Variants in IL1RAPL1 observed in about 807,000 individuals in gnomAD.
IL1RAPL1 encodes the protein interleukin-1 receptor accessory protein-like 1.
A neutral mutation model predicts 48.4 loss-of-function variants in IL1RAPL1; 3 were observed. The observed-to-expected ratio is 0.06, with a 90% CI of 0.03 to 0.16. The LOEUF is 0.16. Ranked by LOEUF, IL1RAPL1 falls within the 10% of genes least tolerant of loss-of-function variation. The pLI is 1.00. For missense variants in IL1RAPL1, 349 were observed against 530.6 expected, an observed-to-expected ratio of 0.66 and a Z score of 3.36; for synonymous variants, 185 against 187.7, an observed-to-expected ratio of 0.99 and a Z score of 0.12.
chrX:29,834,052 T>G (rs1358678941), intron 6 of IL1RAPL1, among the ~76,000 whole-genome samples: 1 of 112,112 alleles, frequency 8.9e-6, no homozygotes, highest in Non-Finnish European at 1.9e-5. Context: ...AATCTATGTT[T>G]GCAGTAATTC....
At chrX:29,270,587 T>C (rs1373223892) in intron 2 of IL1RAPL1, among the ~76,000 whole-genome samples, 1 of 111,855 alleles carries the variant, frequency 8.9e-6, no homozygotes, top group East Asian at 2.8e-4. Flanking sequence ...GGCAAATATA[T>C]GTGTGGATCT....
In IL1RAPL1 at chrX:29,446,313, A is replaced by C. The variant is rs1179684586; in HGVS notation, c.703+47005A>C. Among the ~76,000 whole-genome samples the C allele has an allele frequency of 4.5e-5, 5 of 111,894 alleles. No individual in the cohort carries two copies. In the Admixed American group the frequency reaches 4.8e-4, roughly 11 times the overall value. ...CATTTTATTACATCTGCGACAAAAAACAAATGAAACCAAAGATCTTTGACA... is the reference window on the plus strand; with the variant it reads ...CATTTTATTACATCTGCGACAAAAACCAAATGAAACCAAAGATCTTTGACA... On this transcript the variant is annotated intron_variant, in intron 5 of 10. Transcript: ENST00000378993.
chrX:28,752,656 G>A (rs1174317031), intron 1 of IL1RAPL1, among the ~76,000 whole-genome samples: 1 of 112,339 alleles, frequency 8.9e-6, no homozygotes, highest in East Asian at 2.8e-4. Context: ...TAAATTTTCA[G>A]CCTCTCCTTA....
intron 2 of IL1RAPL1, among the ~76,000 whole-genome samples, chrX:28,806,018 C>T (rs773736374): frequency 9.0e-6 from 1 of 110,936 alleles, no homozygotes; most frequent in East Asian, 2.9e-4. Flanking sequence ...ACATGCATGT[C>T]ATAACTCTTC....
At chrX:29,947,428 T>C (rs1346654844) in intron 9 of IL1RAPL1, among the ~76,000 whole-genome samples, 3 of 111,621 alleles carry the variant, frequency 2.7e-5, no homozygotes, top group African/African-American at 9.8e-5. Flanking sequence ...CTGTAATCAC[T>C]AACACGAATC....
intron 5 of IL1RAPL1, among the ~76,000 whole-genome samples, chrX:29,662,353 A>T (rs1260941534): frequency 1.8e-5 from 2 of 111,516 alleles, no homozygotes; most frequent in Non-Finnish European, 3.8e-5. Flanking sequence ...AGCTTTCCTG[A>T]CAGTTTTTTC....
At chrX:28,716,728 C>T (rs1935508415) in intron 1 of IL1RAPL1, among the ~76,000 whole-genome samples, 1 of 111,083 alleles carries the variant, frequency 9.0e-6, no homozygotes, top group Non-Finnish European at 1.9e-5. Flanking sequence ...TATCAACAGA[C>T]AACCTACAGA....
chrX:29,204,813 T>C (rs185436339), intron 2 of IL1RAPL1, among the ~76,000 whole-genome samples: 1,255 of 111,941 alleles, frequency 0.011, 12 homozygotes, highest in Middle Eastern at 0.023. Context: ...CTTTGTTGAT[T>C]GTTTCCTTCT....
intron 2 of IL1RAPL1, among the ~76,000 whole-genome samples, chrX:28,886,242 GT>G (rs976156746): frequency 2.8e-5 from 3 of 105,948 alleles, no homozygotes; most frequent in African/African-American, 6.8e-5. Flanking sequence ...TTTTTACATT[GT>G]TTTTTTTTCC....
chrX:28,629,450 A>G (rs1318508301), intron 1 of IL1RAPL1, among the ~76,000 whole-genome samples: 1 of 111,983 alleles, frequency 8.9e-6, no homozygotes, highest in Non-Finnish European at 1.9e-5. Flanking sequence ...TTTTATCTTC[A>G]TGAAAGACAT....
chrX:29,843,501 A>G (rs1023738636), intron 6 of IL1RAPL1, among the ~76,000 whole-genome samples: 1 of 111,896 alleles, frequency 8.9e-6, no homozygotes, highest in Non-Finnish European at 1.9e-5. Flanking sequence ...GCTATAAGAA[A>G]TTGCCACAGA....
Position 29,803,306 on chromosome X carries a change from C to CACACATGTATATATGTATACATGTAT in IL1RAPL1, c.779-114151_779-114126dup, listed in dbSNP as rs1569174139. Among the ~76,000 whole-genome samples, 48 of 27,201 alleles carry CACACATGTATATATGTATACATGTAT rather than the reference C, an allele frequency of 1.8e-3. 1 individual carries two copies. The highest frequency in any genetic ancestry group is 5.7e-3 in the African/African-American group (34 of 5,969). The allele number at this position is 27,201 out of a possible 115,157, so 23.6% of individuals were successfully genotyped here. On this transcript the variant is annotated intron_variant, in intron 6 of 10. Transcript: ENST00000378993. ...ACACATGTATATATGTATACATATACACACATGTATATATGTATACATGTA... is the reference window on the plus strand; with the variant it reads ...ACACATGTATATATGTATACATATACACACATGTATATATGTATACATGTATACACATGTATATATGTATACATGTA...
intron 5 of IL1RAPL1, among the ~76,000 whole-genome samples, chrX:29,539,083 C>T (rs1474412568): frequency 9.0e-6 from 1 of 111,499 alleles, no homozygotes; most frequent in African/African-American, 3.3e-5. Context: ...ATACCAAAAC[C>T]TGGCAAGGAC....
intron 3 of IL1RAPL1, among the ~76,000 whole-genome samples, chrX:29,361,369 G>C (rs1933373313): frequency 8.9e-6 from 1 of 112,008 alleles, no homozygotes; most frequent in African/African-American, 3.2e-5. Context: ...CTCATAACCA[G>C]AGTAAAGTTT....
At chrX:28,821,786 G>A (rs10521948) in intron 2 of IL1RAPL1, among the ~76,000 whole-genome samples, 12,625 of 110,744 alleles carry the variant, frequency 0.11, 567 homozygotes, top group Middle Eastern at 0.26. Flanking sequence ...ACTGATGGAA[G>A]GGGTTATTTC....
chrX:29,561,002 T>G (rs1703399239), intron 5 of IL1RAPL1, among the ~76,000 whole-genome samples: 1 of 112,102 alleles, frequency 8.9e-6, no homozygotes, highest in African/African-American at 3.2e-5. Context: ...CCTTACTAAC[T>G]GACTTCAGGA....
At chrX:29,636,172 G>A (rs747102428) in intron 5 of IL1RAPL1, among the ~76,000 whole-genome samples, 7 of 111,762 alleles carry the variant, frequency 6.3e-5, no homozygotes, top group Admixed American at 1.9e-4. Context: ...TGTAAAATCT[G>A]TAAAGTTTTC....
At chrX:29,604,736 A>G (rs1602321193) in intron 5 of IL1RAPL1, among the ~76,000 whole-genome samples, 1 of 111,999 alleles carries the variant, frequency 8.9e-6, no homozygotes, top group African/African-American at 3.2e-5. Flanking sequence ...TCTTCAGACC[A>G]TGAACCCAAA....
At chrX:29,777,634 T>C (rs1297711706) in intron 6 of IL1RAPL1, among the ~76,000 whole-genome samples, 1 of 111,114 alleles carries the variant, frequency 9.0e-6, no homozygotes, top group Non-Finnish European at 1.9e-5. Context: ...TAACAGAGCC[T>C]GAACTTTTTC....
Sources: gnomAD v4.1 joint callset for allele counts (sites outside exome capture counted in the v4.1 genomes callset) on GRCh38, gnomAD v4.1.1 for gene constraint, MANE v1.5 for transcripts, NCBI Gene and HGNC (gene_info 2026-07-23, HGNC 2026-07-21) for gene names.